PCDH15: variants seen among roughly 807,000 people sequenced by gnomAD.
PCDH15 encodes protocadherin related 15.
In PCDH15, 129 loss-of-function variants were observed where a neutral mutation model predicts 178.5. That is an observed-to-expected ratio of 0.72 (90% CI 0.63 to 0.84). The LOEUF (loss-of-function observed/expected upper bound fraction) is 0.84. Among genes scored for constraint, PCDH15 ranks in the 40% least tolerant of loss-of-function variants. The pLI is 0.00. For synonymous variants in PCDH15, 800 were observed against 732.0 expected (o/e 1.09, Z -1.50); for missense variants, 2,230 against 2,099.9 (o/e 1.06, Z -1.21).
At chr10:54,044,126 G>A (rs2093609341) in intron 18 of PCDH15, among the ~76,000 whole-genome samples, 2 of 152,094 alleles carry the variant, frequency 1.3e-5, no homozygotes, top group African/African-American at 4.8e-5. Context: ...GATTATGTTG[G>A]AAGGGGTTGA....
chr10:54,347,811 A>G (rs1175239827), intron 5 of PCDH15, among the ~76,000 whole-genome samples: 1 of 152,008 alleles, frequency 6.6e-6, no homozygotes, highest in African/African-American at 2.4e-5. Flanking sequence ...ATTGTATATA[A>G]AATATCTTGA....
intron 3 of PCDH15, among the ~76,000 whole-genome samples, chr10:54,858,181 A>G (rs1290819545): frequency 6.6e-6 from 1 of 152,132 alleles, no homozygotes; most frequent in Admixed American, 6.5e-5. Context: ...TTCTGTGCCT[A>G]GCTTGTTTCA....
chr10:54,414,416 A>G (rs1050161549), intron 3 of PCDH15, among the ~76,000 whole-genome samples: 6 of 152,148 alleles, frequency 3.9e-5, no homozygotes, highest in East Asian at 1.9e-4. Context: ...CTCTATAAAA[A>G]GAAAGTTATT....
intron 2 of PCDH15, among the ~76,000 whole-genome samples, chr10:54,586,257 T>C (rs918524930): frequency 1.3e-5 from 2 of 152,184 alleles, no homozygotes; most frequent in Admixed American, 6.5e-5. Context: ...ATTTATGAAA[T>C]ATTCTAGAAA....
intron 6 of PCDH15, among the ~76,000 whole-genome samples, chr10:54,344,621 A>G (rs1232037711): frequency 6.6e-6 from 1 of 152,146 alleles, no homozygotes; most frequent in African/African-American, 2.4e-5. Flanking sequence ...CCTTCATAAA[A>G]TTTGAGCTAG....
At chr10:54,830,224 C>G (rs1953200320) in intron 3 of PCDH15, among the ~76,000 whole-genome samples, 1 of 152,056 alleles carries the variant, frequency 6.6e-6, no homozygotes, top group Admixed American at 6.6e-5. Flanking sequence ...CCCAGCCATC[C>G]CATTACTGGG....
rs781234438 is a variant in PCDH15 at position 53,803,813 on chromosome 10, C to G, written c.*2766G>C. On this transcript the variant is annotated 3_prime_UTR_variant, in exon 38 of 38. Transcript: ENST00000644397. ...TCATTACATCATTCTGTTCTCACCT[C>G]GATTAGCCAAGACCTGCTGTTTCTT... 20 of 151,892 alleles carry G rather than the reference C, an allele frequency of 1.3e-4. No homozygotes were observed. The highest frequency in any genetic ancestry group is 2.5e-4 in the Non-Finnish European group (17 of 67,876). 9.4% of individuals were successfully genotyped at this position (151,892 alleles called of 1,614,324 possible).
chr10:53,828,155 C>T (rs1441433622), intron 31 of PCDH15, among the ~76,000 whole-genome samples: 1 of 138,874 alleles, frequency 7.2e-6, no homozygotes, highest in African/African-American at 2.8e-5. Flanking sequence ...GCAGTGAGCC[C>T]AGATCACGCC....
At chr10:54,649,864 T>C (rs1226967183) in intron 2 of PCDH15, among the ~76,000 whole-genome samples, 1 of 152,130 alleles carries the variant, frequency 6.6e-6, no homozygotes, top group Non-Finnish European at 1.5e-5. Context: ...TATTTTTGAA[T>C]TGTTGTTTGA....
chr10:55,119,878 T>C (rs556001535), intron 2 of PCDH15, among the ~76,000 whole-genome samples: 1 of 152,284 alleles, frequency 6.6e-6, no homozygotes, highest in South Asian at 2.1e-4. Flanking sequence ...ACTTAGTATA[T>C]ATGTGTGTGG....
intron 1 of PCDH15, among the ~76,000 whole-genome samples, chr10:54,751,765 CTG>C (rs1946260869): frequency 6.6e-6 from 1 of 152,068 alleles, no homozygotes; most frequent in African/African-American, 2.4e-5. Flanking sequence ...TACTAATTCT[CTG>C]TAATACATAA....
chr10:55,012,454 C>T (rs952129674), intron 2 of PCDH15, among the ~76,000 whole-genome samples: 2 of 152,096 alleles, frequency 1.3e-5, no homozygotes, highest in African/African-American at 4.8e-5. Flanking sequence ...TCTTTCTCCT[C>T]TATAAAGCCA....
chr10:55,169,411 A>G (rs764530532), intron 1 of PCDH15, among the ~76,000 whole-genome samples: 2 of 152,186 alleles, frequency 1.3e-5, no homozygotes, highest in Non-Finnish European at 2.9e-5. Context: ...GTAATACAGT[A>G]TTTAACCAAC....
At chr10:54,066,650 G>T in intron 18 of PCDH15, 107 bp downstream of exon 18, 1 of 1,110,632 alleles carries the variant, frequency 9.0e-7, no homozygotes, top group Non-Finnish European at 1.3e-6. Flanking sequence ...ATCCAGCACA[G>T]TCATTTAACA....
rs536782475 is a variant in PCDH15, at chr10:54,674,173, G to C, written c.-28-9883C>G. Among the ~76,000 whole-genome samples the C allele has an allele frequency of 7.2e-5, 11 of 152,060 alleles. No homozygotes were observed. The East Asian group carries it at 2.1e-3, about 29-fold the overall frequency. ...GCAGGATTTTTTAGGTAAGGTCTTC[G>C]GCCAACTGAACTGCAACTGTTTCAT... On this transcript the variant is annotated intron_variant, in intron 1 of 37. Coordinates refer to ENST00000644397, the MANE Select transcript of PCDH15 (RefSeq NM_001384140.1).
chr10:54,907,221 T>G (rs147861746), intron 2 of PCDH15, among the ~76,000 whole-genome samples: 14 of 152,306 alleles, frequency 9.2e-5, no homozygotes, highest in Non-Finnish European at 1.8e-4. Flanking sequence ...TTAATGACAC[T>G]AATAAATATA....
intron 2 of PCDH15, among the ~76,000 whole-genome samples, chr10:55,137,349 A>G (rs556355430): frequency 1.4e-4 from 22 of 152,188 alleles, no homozygotes; most frequent in Non-Finnish European, 2.9e-4. Context: ...AATAATCAGT[A>G]TAGTAAAATG....
chr10:55,459,524 A>G, intron 2 of PCDH15, among the ~76,000 whole-genome samples: 1 of 152,118 alleles, frequency 6.6e-6, no homozygotes, highest in Non-Finnish European at 1.5e-5. Flanking sequence ...ATGAGAAAGT[A>G]TCATGATATC....
intron 25 of PCDH15, among the ~76,000 whole-genome samples, chr10:53,909,198 C>A (rs1039642909): frequency 6.6e-6 from 1 of 152,164 alleles, no homozygotes; most frequent in Admixed American, 6.5e-5. Context: ...TCCCCCTACA[C>A]TCCCTCTTTC....
Sources: gnomAD v4.1 joint callset for allele counts (sites outside exome capture counted in the v4.1 genomes callset) on GRCh38, gnomAD v4.1.1 for gene constraint, MANE v1.5 for transcripts, NCBI Gene and HGNC (gene_info 2026-07-23, HGNC 2026-07-21) for gene names.